Variants in ZBP1 observed in about 807,000 individuals in gnomAD.
ZBP1 encodes Z-DNA binding protein 1.
In ZBP1, 42 loss-of-function variants were observed where a neutral mutation model predicts 41.1. The observed-to-expected ratio is 1.02, with a 90% CI of 0.80 to 1.32. The LOEUF (loss-of-function observed/expected upper bound fraction) is 1.32, where lower values mean the gene tolerates loss of function less well. Ranked by LOEUF, ZBP1 falls within the 40% of genes most tolerant of loss-of-function variation. The pLI is 0.00. For synonymous variants in ZBP1, 214 were observed against 205.2 expected, an observed-to-expected ratio of 1.04 and a Z score of -0.37; for missense variants, 562 against 549.7, an observed-to-expected ratio of 1.02 and a Z score of -0.22.
chr20:57,615,470 G>C, intron 3 of ZBP1, 42 bp downstream of exon 3: 1 of 1,602,936 alleles, frequency 6.2e-7, no homozygotes, highest in Non-Finnish European at 8.5e-7. Flanking sequence ...TGGGGAGTGG[G>C]ATCCTGTGTC....
intron 1 of ZBP1, among the ~76,000 whole-genome samples, chr20:57,618,872 C>T (rs1262640460): frequency 2.0e-5 from 3 of 152,310 alleles, no homozygotes; most frequent in East Asian, 1.9e-4. Flanking sequence ...TGAGCCACTG[C>T]GCCTGGCCGC....
intron 1 of ZBP1, among the ~76,000 whole-genome samples, chr20:57,618,532 C>A (rs2070905640): frequency 6.6e-6 from 1 of 152,318 alleles, no homozygotes; most frequent in East Asian, 1.9e-4. Context: ...GCCAGCAGCA[C>A]CTCCATGCAC....
chr20:57,606,326 G>A (rs1000973505), intron 7 of ZBP1, among the ~76,000 whole-genome samples: 1 of 152,230 alleles, frequency 6.6e-6, no homozygotes, highest in African/African-American at 2.4e-5. Context: ...AGGTGAGGAA[G>A]CTGCAGAAGA....
In ZBP1 at chr20:57,613,308, C is replaced by T. The variant is rs1206722979; in HGVS notation, c.525G>A (p.Lys175=). Residue 175 remains lysine (K), a synonymous_variant, in exon 5 of 8, where the codon AAG becomes AAA. Coordinates refer to ENST00000371173, the MANE Select transcript of ZBP1 (RefSeq NM_030776.3). The surrounding 1 kb of genome is among the most constrained non-coding windows in gnomAD (Gnocchi z 4.5). Reference sequence around the variant, plus strand: ...TGTGCTGGTAAATAATTGAGGCTGACTTTGCTCTTCTTCCAGAATCTTCTG... The same window carrying T: ...TGTGCTGGTAAATAATTGAGGCTGATTTTGCTCTTCTTCCAGAATCTTCTG... ...YRPEDSGRRA[K]SASIIYQHNP... The T allele has an allele frequency of 3.7e-6, 6 of 1,613,992 alleles. No homozygotes were observed. In the East Asian group the frequency reaches 1.1e-4, roughly 30 times the overall value.
chr20:57,604,545 G>A lies in ZBP1; in HGVS notation c.*28C>T, dbSNP rs1335241975. ...CCTAGCATGCGCCCACCCCCAGCCT[G>A]TGTCCAAGCCCCACGTGAGGCTGTG... On this transcript the variant is annotated 3_prime_UTR_variant, in exon 8 of 8. Transcript: ENST00000371173. 1 of 1,607,766 alleles carries A rather than the reference G, an allele frequency of 6.2e-7. No homozygotes were observed. Among genetic ancestry groups the A allele is most frequent in the South Asian group, 1.1e-5 (1 of 90,262 alleles).
intron 7 of ZBP1, among the ~76,000 whole-genome samples, chr20:57,606,454 G>A (rs1290208586): frequency 2.0e-5 from 3 of 152,354 alleles, no homozygotes; most frequent in Admixed American, 6.5e-5. Flanking sequence ...CAGGTTACCC[G>A]GAAGCTCTAG....
intron 6 of ZBP1, 123 bp downstream of exon 6, chr20:57,611,604 G>A: frequency 1.8e-6 from 2 of 1,141,378 alleles, no homozygotes; most frequent in East Asian, 5.2e-5. Context: ...TGGTTCAGCT[G>A]CCTGGTGGAA....
At chr20:57,609,975 G>A (rs1487539260) in intron 7 of ZBP1, among the ~76,000 whole-genome samples, 174 bp downstream of exon 7, 1 of 152,176 alleles carries the variant, frequency 6.6e-6, no homozygotes, top group Non-Finnish European at 1.5e-5. Context: ...CCACTAGGGG[G>A]ACGGAGCCTC....
chr20:57,604,497 G>A lies in ZBP1; in HGVS notation c.*76C>T. ...CAGGTCAAACAAGACGCTAAGGAATGCAGAGAGCAGCAGGCTAGTCTCCCT... is the reference window on the plus strand; with the variant it reads ...CAGGTCAAACAAGACGCTAAGGAATACAGAGAGCAGCAGGCTAGTCTCCCT... On this transcript the variant is annotated 3_prime_UTR_variant, in exon 8 of 8. Coordinates refer to ENST00000371173, the MANE Select transcript of ZBP1 (RefSeq NM_030776.3). 2 of 1,537,194 alleles carry A rather than the reference G, an allele frequency of 1.3e-6. No individual in the cohort carries two copies. Among genetic ancestry groups the A allele is most frequent in the Non-Finnish European group, 1.8e-6 (2 of 1,112,220 alleles).
rs751147725 is a variant in ZBP1, at chr20:57,613,086, C to T, written c.670+77G>A. The T allele has an allele frequency of 4.4e-6, 7 of 1,586,692 alleles. No individual in the cohort carries two copies. The East Asian group carries it at 1.1e-4, about 26-fold the overall frequency. On this transcript the variant is annotated intron_variant, in intron 5 of 7. Transcript: ENST00000371173. This position sits in a 1 kb window ranked among gnomAD's most constrained non-coding sequence, Gnocchi z 4.5. Reference sequence around the variant, plus strand: ...GGCAGAATCCCCCCACTCCCCATCCCTACCCTTTGCCCCCACCCAGAGGAT... The same window carrying T: ...GGCAGAATCCCCCCACTCCCCATCCTTACCCTTTGCCCCCACCCAGAGGAT...
intron 7 of ZBP1, among the ~76,000 whole-genome samples, chr20:57,607,559 A>G (rs1049550375): frequency 6.6e-6 from 1 of 152,242 alleles, no homozygotes; most frequent in Non-Finnish European, 1.5e-5. Flanking sequence ...CTTGGTTCCA[A>G]TTTTGAAAGA....
intron 7 of ZBP1, among the ~76,000 whole-genome samples, chr20:57,605,092 T>C (rs1315451631): frequency 6.7e-6 from 1 of 149,416 alleles, no homozygotes; most frequent in Non-Finnish European, 1.5e-5. Context: ...CAGTCTCTGA[T>C]TAGCAATTTC....
intron 5 of ZBP1, chr20:57,612,792 T>C: frequency 1.6e-6 from 1 of 612,244 alleles, no homozygotes; most frequent in Non-Finnish European, 2.2e-6. Flanking sequence ...CCTGTAGCAT[T>C]CCGCGGAGGG....
chr20:57,607,308 T>A (rs905645337), intron 7 of ZBP1: 1 of 1,292,908 alleles, frequency 7.7e-7, no homozygotes, highest in Non-Finnish European at 1.0e-6. Context: ...CAACTGCAAA[T>A]GTGGTGGAAA....
At position 57,614,992 on chromosome 20, in the gene ZBP1, C is replaced by A. The variant is rs748734971; in HGVS notation, c.397G>T (p.Gly133Ter). 1.9e-5 allele frequency: 31 copies of A among 1,614,202 alleles called. No homozygotes were observed. In the East Asian group the frequency reaches 6.5e-4, roughly 34 times the overall value. ...TTCACATCTTTTGCTGTCCTCATTC[C>A]CAGTGCTTGGGCGATGACCAGGGCC... ...QRALVIAQAL[G>*]MRTAKDVNRD... The change falls in exon 4 of 8, where the codon GGA (glycine) becomes TGA (stop). Residue 133 changes from glycine to a stop codon, truncating the protein, a stop_gained. Transcript: ENST00000371173. LOFTEE classifies it high-confidence loss of function.
At position 57,610,659 on chromosome 20, in the gene ZBP1, C is replaced by T. The variant is rs151216386; in HGVS notation, c.875-292G>A. ...TGTCTTCCTCTGGGATTCAGCTCCT[C>T]TCTCCTCTGCTGCCTGCTTCCCACT... On this transcript the variant is annotated intron_variant, in intron 6 of 7. Transcript: ENST00000371173. The surrounding 1 kb of genome is among the most constrained non-coding windows in gnomAD (Gnocchi z 5.5). The T allele has an allele frequency of 4.0e-6, 2 of 496,548 alleles. No homozygotes were observed. Among genetic ancestry groups the T allele is most frequent in the Non-Finnish European group, 3.7e-6 (1 of 273,404 alleles). The allele number at this position is 496,548 out of a possible 1,614,324, so 30.8% of individuals were successfully genotyped here. A position where few individuals can be genotyped will look rare whatever the true frequency, so the allele number is the denominator to read the frequency against.
In ZBP1 at chr20:57,610,001, G is replaced by A; in HGVS notation, c.1093+148C>T. On this transcript the variant is annotated intron_variant, in intron 7 of 7. Coordinates refer to ENST00000371173, the MANE Select transcript of ZBP1 (RefSeq NM_030776.3). The surrounding 1 kb of genome is among the most constrained non-coding windows in gnomAD (Gnocchi z 5.5). ...ACGGAGCCTCCACGCTGACTCTAGAGCTGCTGCTCCTCGCTGTGGGTGGGC... is the reference window on the plus strand; with the variant it reads ...ACGGAGCCTCCACGCTGACTCTAGAACTGCTGCTCCTCGCTGTGGGTGGGC... 2.3e-6 allele frequency: 2 copies of A among 880,194 alleles called. No homozygotes were observed. The highest frequency in any genetic ancestry group is 3.5e-6 in the Non-Finnish European group (2 of 569,022). The allele number at this position is 880,194 out of a possible 1,614,324, so 54.5% of individuals were successfully genotyped here. A position where few individuals can be genotyped will look rare whatever the true frequency, so the allele number is the denominator to read the frequency against.
intron 7 of ZBP1, among the ~76,000 whole-genome samples, chr20:57,605,759 ACC>A (rs2070479059): frequency 1.3e-5 from 2 of 152,096 alleles, no homozygotes; most frequent in Admixed American, 1.3e-4. Context: ...ACATGGAGAA[ACC>A]CCATCTCTAC....
Position 57,613,551 on chromosome 20 carries a change from C to T in ZBP1, c.503-221G>A, listed in dbSNP as rs528035112. On this transcript the variant is annotated intron_variant, in intron 4 of 7. Transcript: ENST00000371173. This position sits in a 1 kb window ranked among gnomAD's most constrained non-coding sequence, Gnocchi z 4.5. ...AAAATAGCCACTGTGAGTCACCCTA[C>T]CTGTGTCTTTTGCTGCCTCCATGGC... Among the ~76,000 whole-genome samples the T allele has an allele frequency of 6.6e-6, 1 of 152,310 alleles. No individual in the cohort carries two copies. Among genetic ancestry groups the T allele is most frequent in the Non-Finnish European group, 1.5e-5 (1 of 68,010 alleles).
Sources: gnomAD v4.1 joint callset for allele counts (sites outside exome capture counted in the v4.1 genomes callset) on GRCh38, gnomAD v4.1.1 for gene constraint, Gnocchi (gnomAD v3.1) non-coding constraint, MANE v1.5 for transcripts, NCBI Gene and HGNC (gene_info 2026-07-23, HGNC 2026-07-21) for gene names.